Variants in GRXCR2 observed in about 807,000 individuals in gnomAD.
GRXCR2 encodes glutaredoxin domain-containing cysteine-rich protein 2.
A neutral mutation model predicts 24.8 loss-of-function variants in GRXCR2; 23 were observed. That is an observed-to-expected ratio of 0.93 (90% CI 0.67 to 1.32). GRXCR2 has a LOEUF of 1.32. GRXCR2 is among the 40% of genes most tolerant of loss of function. The probability of loss-of-function intolerance (pLI) is 0.00; values close to 1 mark genes in which losing one functional copy is unlikely to be tolerated. For synonymous variants in GRXCR2, 130 were observed against 116.1 expected, an observed-to-expected ratio of 1.12 and a Z score of -0.77; for missense variants, 315 against 303.4, an observed-to-expected ratio of 1.04 and a Z score of -0.28.
intron 2 of GRXCR2, among the ~76,000 whole-genome samples, chr5:145,921,840 G>C (rs1276884551): frequency 6.6e-6 from 1 of 152,086 alleles, no homozygotes; most frequent in Non-Finnish European, 1.5e-5. Flanking sequence ...ATCCATGTTT[G>C]TATTAAGTTT....
upstream of GRXCR2, chr5:145,873,035 A>T: frequency 7.5e-7 from 1 of 1,334,338 alleles, no homozygotes; most frequent in Non-Finnish European, 1.1e-6. Context: ...CCTCTGAGAA[A>T]AAGGCATTTT....
intron 2 of GRXCR2, among the ~76,000 whole-genome samples, chr5:145,917,287 T>C (rs1396255872): frequency 6.6e-6 from 1 of 151,884 alleles, no homozygotes; most frequent in Non-Finnish European, 1.5e-5. Context: ...ATTCTTGTTC[T>C]TCTTTCTCAG....
At chr5:145,920,043 C>T (rs925016427) in intron 2 of GRXCR2, among the ~76,000 whole-genome samples, 2 of 152,030 alleles carry the variant, frequency 1.3e-5, no homozygotes, top group African/African-American at 4.8e-5. Flanking sequence ...TGGATCCTAA[C>T]CCCCTAGAAC....
chr5:145,869,559 CTT>C (rs398038865), intron 1 of GRXCR2, among the ~76,000 whole-genome samples: 29 of 137,500 alleles, frequency 2.1e-4, no homozygotes, highest in Non-Finnish European at 1.7e-4. Flanking sequence ...CTCTCTCTCT[CTT>C]TTTTTTTTTT....
In GRXCR2 at chr5:145,862,542, A is replaced by G. The variant is rs147248622; in HGVS notation, c.565-2627T>C. 9.1e-4 allele frequency among the ~76,000 whole-genome samples: 138 copies of G among 152,288 alleles called. 1 individual carries two copies. The Middle Eastern group carries it at 0.041, about 45-fold the overall frequency. On this transcript the variant is annotated intron_variant, in intron 2 of 2. Transcript: ENST00000377976. ...TATCTTTTAAAATTATTCTCAGAAA[A>G]TATTTAGTAGGATATAGAACATAGT...
At chr5:145,890,244 C>A (rs771520045) in intron 2 of GRXCR2, among the ~76,000 whole-genome samples, 6 of 152,244 alleles carry the variant, frequency 3.9e-5, no homozygotes, top group Non-Finnish European at 8.8e-5. Flanking sequence ...CATGTGCCAC[C>A]ATGCCTAGCT....
intron 2 of GRXCR2, among the ~76,000 whole-genome samples, chr5:145,863,283 C>G (rs945693640): frequency 6.6e-6 from 1 of 152,176 alleles, no homozygotes; most frequent in African/African-American, 2.4e-5. Flanking sequence ...TAAAACTTGT[C>G]TGGGCATTTA....
rs1157149245 is a variant in GRXCR2 at position 145,887,474 on chromosome 5, GTAC to G, written c.-69-20749_-69-20747del. Among the ~76,000 whole-genome samples, 3 of 152,272 alleles carry G rather than the reference GTAC, an allele frequency of 2.0e-5. No individual in the cohort carries two copies. The East Asian group carries it at 5.8e-4, about 29-fold the overall frequency. On this transcript the variant is annotated intron_variant, in intron 2 of 3. Transcript: ENST00000639411. ...ACTTTGTGGAAACATTTATTTTTTA[GTAC>G]TGTACTCAAAATGAATGAACACCAC... is the stretch of plus-strand genomic sequence containing the variant.
At chr5:145,923,639 A>G (rs921110354) in intron 2 of GRXCR2, among the ~76,000 whole-genome samples, 17 of 152,128 alleles carry the variant, frequency 1.1e-4, no homozygotes, top group Non-Finnish European at 2.2e-4. Flanking sequence ...TCACAGTCCC[A>G]CTCACTAAGC....
chr5:145,921,692 A>G (rs1180807137), intron 2 of GRXCR2, among the ~76,000 whole-genome samples: 1 of 152,160 alleles, frequency 6.6e-6, no homozygotes, highest in Admixed American at 6.5e-5. Flanking sequence ...CTCACCCAAA[A>G]TACATACACA....
chr5:145,869,024 A>C (rs1756480229), intron 1 of GRXCR2, among the ~76,000 whole-genome samples: 1 of 152,232 alleles, frequency 6.6e-6, no homozygotes, highest in African/African-American at 2.4e-5. Context: ...TGTGTGATTG[A>C]GCACTTGTAA....
intron 1 of GRXCR2, among the ~76,000 whole-genome samples, chr5:145,868,838 A>G (rs1756477067): frequency 6.6e-6 from 1 of 152,250 alleles, no homozygotes. Context: ...TTTAAGTTTT[A>G]GTTACCCTGA....
upstream of GRXCR2, among the ~76,000 whole-genome samples, chr5:145,874,457 C>T (rs1756583333): frequency 6.6e-6 from 1 of 152,150 alleles, no homozygotes; most frequent in South Asian, 2.1e-4. Context: ...CTGCCTTGAC[C>T]TCCCAAAGTG....
intron 2 of GRXCR2, among the ~76,000 whole-genome samples, chr5:145,887,284 C>A (rs2149917367): frequency 6.6e-6 from 1 of 152,198 alleles, no homozygotes; most frequent in South Asian, 2.1e-4. Flanking sequence ...TTTTTATAGA[C>A]ATAGTGTCTC....
At chr5:145,907,386 A>T (rs1402942422) in intron 2 of GRXCR2, among the ~76,000 whole-genome samples, 2 of 152,036 alleles carry the variant, frequency 1.3e-5, no homozygotes, top group East Asian at 3.9e-4. Flanking sequence ...AAAATTAGCC[A>T]GGCATGGTGG....
intron 2 of GRXCR2, among the ~76,000 whole-genome samples, chr5:145,909,341 T>G (rs986651157): frequency 1.4e-5 from 1 of 69,304 alleles, no homozygotes; most frequent in African/African-American, 9.9e-5. Flanking sequence ...GAAGTGGTAA[T>G]TATTTGTATT....
intron 2 of GRXCR2, among the ~76,000 whole-genome samples, chr5:145,901,594 G>T (rs1441326355): frequency 6.6e-6 from 1 of 152,052 alleles, no homozygotes; most frequent in African/African-American, 2.4e-5. Context: ...AACAGAGCAG[G>T]GTAAAGGGGA....
At position 145,895,831 on chromosome 5, in the gene GRXCR2, C is replaced by G. The variant is rs565806876; in HGVS notation, c.-69-29103G>C. Among the ~76,000 whole-genome samples the G allele has an allele frequency of 6.4e-3, 974 of 152,266 alleles. 9 individuals are homozygous for G. Among genetic ancestry groups the G allele is most frequent in the African/African-American group, 0.022 (908 of 41,544 alleles). ...AAGAGCCTGCATTGCCAAGTCAATC[C>G]TAAGCCAAAAGAACAAAGCTGGAGG... On this transcript the variant is annotated intron_variant, in intron 2 of 3. Coordinates refer to the GRXCR2 transcript ENST00000639411.
At chr5:145,914,984 T>C (rs1228644116) in intron 2 of GRXCR2, among the ~76,000 whole-genome samples, 2 of 152,214 alleles carry the variant, frequency 1.3e-5, no homozygotes, top group Admixed American at 6.5e-5. Context: ...CCAGAGGTTC[T>C]TGGTAAGAAT....
Sources: gnomAD v4.1 joint callset for allele counts (sites outside exome capture counted in the v4.1 genomes callset) on GRCh38, gnomAD v4.1.1 for gene constraint, MANE v1.5 for transcripts, NCBI Gene and HGNC (gene_info 2026-07-23, HGNC 2026-07-21) for gene names.